The following RBFOX1 variants were observed in gnomAD, a reference collection of about 807,000 sequenced individuals.
RBFOX1 encodes the protein RNA binding protein fox-1 homolog 1.
RBFOX1 carries 8 observed loss-of-function variants against 57.7 expected under a neutral mutation model. The ratio of observed to expected loss-of-function variants is 0.14; its 90% confidence interval spans 0.08 to 0.25. RBFOX1 has a LOEUF of 0.25. Ranked by LOEUF, RBFOX1 falls within the 10% of genes least tolerant of loss-of-function variation. The pLI, the probability that RBFOX1 is intolerant of heterozygous loss-of-function variation, is 1.00. For missense variants in RBFOX1, 611 were observed against 548.5 expected, an observed-to-expected ratio of 1.11 and a Z score of -1.14; for synonymous variants, 326 against 222.4, an observed-to-expected ratio of 1.47 and a Z score of -4.15.
At chr16:6,066,634 G>T (rs1035446535) in intron 1 of RBFOX1, among the ~76,000 whole-genome samples, 3 of 152,146 alleles carry the variant, frequency 2.0e-5, no homozygotes, top group Non-Finnish European at 4.4e-5. Context: ...CCAGAATTTG[G>T]ATTCTCAGGA....
chr16:7,315,051 G>A (rs9932941), intron 4 of RBFOX1, among the ~76,000 whole-genome samples: 1 of 149,666 alleles, frequency 6.7e-6, no homozygotes, highest in Non-Finnish European at 1.5e-5. Flanking sequence ...TTTATTTGGA[G>A]CCCTCAATCA....
intron 1 of RBFOX1, among the ~76,000 whole-genome samples, chr16:6,166,084 C>A (rs1278697547): frequency 6.6e-6 from 1 of 152,184 alleles, no homozygotes; most frequent in African/African-American, 2.4e-5. Flanking sequence ...AGTCTTTTCT[C>A]TTCCTACTCG....
At chr16:7,162,695 C>G (rs917222970) in intron 4 of RBFOX1, among the ~76,000 whole-genome samples, 12 of 152,110 alleles carry the variant, frequency 7.9e-5, no homozygotes, top group African/African-American at 2.9e-4. Context: ...CGCCACTGCA[C>G]TCCACCCTGG....
chr16:5,697,688 C>A (rs550590366), intron 3 of RBFOX1, among the ~76,000 whole-genome samples: 1 of 98,276 alleles, frequency 1.0e-5, no homozygotes, highest in East Asian at 3.0e-4. Context: ...TGTGCGCCAC[C>A]ACGCTCGGCT....
At chr16:5,730,562 A>C (rs1018956864) in intron 3 of RBFOX1, among the ~76,000 whole-genome samples, 3 of 152,112 alleles carry the variant, frequency 2.0e-5, no homozygotes, top group African/African-American at 7.2e-5. Flanking sequence ...CACCACTGCC[A>C]TCATCATCGT....
chr16:6,037,171 GA>G (rs1318170462), intron 1 of RBFOX1: 1 of 152,094 alleles, frequency 6.6e-6, no homozygotes, highest in Non-Finnish European at 1.5e-5. Context: ...GAAATTATCA[GA>G]AAAAAGTGCA....
intron 1 of RBFOX1, among the ~76,000 whole-genome samples, chr16:5,358,912 T>G (rs4419062): frequency 0.73 from 111,159 of 152,120 alleles, 41,127 homozygotes; most frequent in Middle Eastern, 0.87. Flanking sequence ...ATTCATCCTT[T>G]GTATGTGTTT....
chr16:6,890,158 A>G (rs140604491), intron 3 of RBFOX1, among the ~76,000 whole-genome samples: 15 of 152,332 alleles, frequency 9.8e-5, no homozygotes, highest in African/African-American at 3.6e-4. Flanking sequence ...GCCTAAAGGT[A>G]TGGTATATGA....
At chr16:7,690,684 A>T (rs1178282851) in intron 14 of RBFOX1, among the ~76,000 whole-genome samples, 1 of 149,352 alleles carries the variant, frequency 6.7e-6, no homozygotes, top group Non-Finnish European at 1.5e-5. Flanking sequence ...AATTTTTCTG[A>T]AGTTGTTTGG....
intron 4 of RBFOX1, among the ~76,000 whole-genome samples, chr16:5,948,715 A>T (rs2059455453): frequency 1.3e-5 from 2 of 152,162 alleles, no homozygotes; most frequent in South Asian, 4.1e-4. Flanking sequence ...GAGCCGCAGG[A>T]TGGAACCAAC....
At chr16:5,844,242 T>G (rs1444647883) in intron 3 of RBFOX1, among the ~76,000 whole-genome samples, 1 of 152,160 alleles carries the variant, frequency 6.6e-6, no homozygotes, top group African/African-American at 2.4e-5. Context: ...CCAACCTGAC[T>G]TAGAAATCTC....
chr16:7,414,805 A>G (rs1433397219), intron 4 of RBFOX1, among the ~76,000 whole-genome samples: 1 of 151,996 alleles, frequency 6.6e-6, no homozygotes, highest in African/African-American at 2.4e-5. Flanking sequence ...TTTAGTAGAG[A>G]TGGGGTTTTG....
At chr16:6,072,661 A>G (rs150282670) in intron 1 of RBFOX1, among the ~76,000 whole-genome samples, 1 of 151,620 alleles carries the variant, frequency 6.6e-6, no homozygotes, top group African/African-American at 2.4e-5. Context: ...TAGGCATTGT[A>G]ACAGGTATGG....
chr16:6,554,742 AC>A (rs2097062223), intron 2 of RBFOX1, among the ~76,000 whole-genome samples: 3 of 151,096 alleles, frequency 2.0e-5, no homozygotes, highest in Admixed American at 2.0e-4. Context: ...ACACACACAC[AC>A]ACACACACAC....
chr16:7,657,212 T>C (rs906791641), intron 12 of RBFOX1, among the ~76,000 whole-genome samples: 1 of 152,220 alleles, frequency 6.6e-6, no homozygotes, highest in African/African-American at 2.4e-5. Flanking sequence ...TGGCTACCTT[T>C]ATGGAAGCTT....
In RBFOX1 at chr16:6,779,785, T is replaced by TTATATATTTATATA. The variant is rs1567208191; in HGVS notation, c.-16+125136_-16+125137insATATATTTATATAT. ...TATTTATATATATATTTATATATATTTTTATATATACTTTTATATATTTAT... is the reference window on the plus strand; with the variant it reads ...TATTTATATATATATTTATATATATTTATATATTTATATATTTATATATACTTTTATATATTTAT... On this transcript the variant is annotated intron_variant, in intron 3 of 15. Transcript: ENST00000550418. Among the ~76,000 whole-genome samples, 3 of 4,158 alleles carry TTATATATTTATATA rather than the reference T, an allele frequency of 7.2e-4. 1 individual carries two copies. Among genetic ancestry groups the TTATATATTTATATA allele is most frequent in the African/African-American group, 3.1e-3 (3 of 954 alleles). The allele number at this position is 4,158 out of a possible 152,430, so 2.7% of individuals were successfully genotyped here.
At chr16:5,751,012 T>C (rs1428438128) in intron 3 of RBFOX1, among the ~76,000 whole-genome samples, 1 of 152,142 alleles carries the variant, frequency 6.6e-6, no homozygotes, top group Non-Finnish European at 1.5e-5. Flanking sequence ...CCACCAATTT[T>C]TGTATTTTTA....
rs79833404 is a variant in RBFOX1, at chr16:6,078,831, G to C, written c.-127+58839G>C. On this transcript the variant is annotated intron_variant, in intron 1 of 15. Transcript: ENST00000550418. ...TTTCCATGTCTTTAAGTTTGTTGCT[G>C]TCTTAGAATTAGTAGATTTTCATGG... 6.5e-3 allele frequency among the ~76,000 whole-genome samples: 994 copies of C among 152,286 alleles called. 31 individuals carry two copies. The highest frequency in any genetic ancestry group is 0.04 in the Admixed American group (608 of 15,296).
At chr16:6,698,208 C>G (rs1307962150) in intron 3 of RBFOX1, among the ~76,000 whole-genome samples, 1 of 152,068 alleles carries the variant, frequency 6.6e-6, no homozygotes, top group Non-Finnish European at 1.5e-5. Flanking sequence ...TCCAATTTGA[C>G]AATTAGATCA....
Sources: allele counts gnomAD v4.1 joint callset (sites outside exome capture counted in the v4.1 genomes callset), GRCh38; gene constraint gnomAD v4.1.1; transcripts MANE v1.5; gene names NCBI Gene and HGNC (gene_info 2026-07-23, HGNC 2026-07-21).